Variants in CFAP206 observed in about 807,000 individuals in gnomAD.
The protein encoded by CFAP206 is cilia and flagella associated protein 206.
Under a neutral mutation model 65.4 loss-of-function variants are expected in CFAP206, and 53 were observed. The ratio of observed to expected loss-of-function variants is 0.81; its 90% CI spans 0.65 to 1.02. The LOEUF (loss-of-function observed/expected upper bound fraction) is 1.02. Among genes scored for constraint, CFAP206 ranks in the 50% least tolerant of loss-of-function variants. CFAP206 has a pLI of 0.00. For missense variants in CFAP206, 663 were observed against 753.2 expected (o/e 0.88, Z 1.40); for synonymous variants, 250 against 254.4 (o/e 0.98, Z 0.17).
intron 11 of CFAP206, among the ~76,000 whole-genome samples, chr6:87,459,696 G>A (rs1451198372): frequency 6.6e-6 from 1 of 152,180 alleles, no homozygotes; most frequent in Non-Finnish European, 1.5e-5. Context: ...TACTGTGCAT[G>A]TCTACAGACA....
chr6:87,413,989 T>C, intron 4 of CFAP206, 89 bp downstream of exon 4: 1 of 577,662 alleles, frequency 1.7e-6, no homozygotes, highest in Non-Finnish European at 2.8e-6. Flanking sequence ...ATGAATTTAA[T>C]TGTTTAATCA....
intron 4 of CFAP206, among the ~76,000 whole-genome samples, chr6:87,414,251 C>T (rs1214666105): frequency 6.6e-6 from 1 of 152,120 alleles, no homozygotes; most frequent in African/African-American, 2.4e-5. Flanking sequence ...AATTATGTAA[C>T]TATTCAAAAA....
rs1026714919 is a variant in CFAP206 at position 87,435,024 on chromosome 6, C to G, written c.1465C>G (p.Gln489Glu). ...AATTCAACTATTGGAACTTCATCAACAGTTTGAAACATTTATTCCATATTC... is the reference window on the plus strand; with the variant it reads ...AATTCAACTATTGGAACTTCATCAAGAGTTTGAAACATTTATTCCATATTC... ...ELIQLLELHQ[Q>E]FETFIPYSQM... The change falls in exon 11 of 13, where the codon CAG becomes GAG. Residue 489 changes from glutamine to glutamate, a missense_variant. By Grantham distance (29) the Gln-to-Glu change is conservative (BLOSUM62 2). Transcript: ENST00000369562. 1 of 1,604,846 alleles carries G rather than the reference C, an allele frequency of 6.2e-7. No individual in the cohort carries two copies. The highest frequency in any genetic ancestry group is 1.3e-5 in the African/African-American group (1 of 74,654).
intron 3 of CFAP206, 86 bp downstream of exon 3, chr6:87,410,754 T>C (rs1767721950): frequency 9.4e-7 from 1 of 1,063,582 alleles, no homozygotes; most frequent in Admixed American, 1.9e-5. Flanking sequence ...TGCCTTCAGC[T>C]GCATGAAACA....
chr6:87,426,994 C>G (rs1426653899), intron 8 of CFAP206, among the ~76,000 whole-genome samples: 1 of 152,142 alleles, frequency 6.6e-6, no homozygotes, highest in Non-Finnish European at 1.5e-5. Flanking sequence ...TGTGACCTTT[C>G]TGAAAAGACA....
intron 11 of CFAP206, among the ~76,000 whole-genome samples, chr6:87,450,046 A>G (rs1768512236): frequency 6.6e-6 from 1 of 152,202 alleles, no homozygotes; most frequent in African/African-American, 2.4e-5. Flanking sequence ...GTGGATATCC[A>G]GTTTTCCAAG....
At chr6:87,443,729 G>C (rs1320620332) in intron 11 of CFAP206, among the ~76,000 whole-genome samples, 1 of 152,052 alleles carries the variant, frequency 6.6e-6, no homozygotes, top group Non-Finnish European at 1.5e-5. Context: ...TGTCACCCAG[G>C]TAGTGAGCAT....
At chr6:87,443,933 T>C (rs569749724) in intron 11 of CFAP206, among the ~76,000 whole-genome samples, 1 of 152,314 alleles carries the variant, frequency 6.6e-6, no homozygotes, top group East Asian at 1.9e-4. Context: ...GCTCCATCCA[T>C]GTTTCTGCGG....
chr6:87,449,439 A>C (rs190528265), intron 11 of CFAP206, among the ~76,000 whole-genome samples: 6,760 of 125,464 alleles, frequency 0.054, 37 homozygotes, highest in Non-Finnish European at 0.073. Flanking sequence ...TCCATCTCAA[A>C]AAAAAAAAAA....
At chr6:87,408,371 C>T (rs1326317033) in intron 1 of CFAP206, 1 of 152,442 alleles carries the variant, frequency 6.6e-6, no homozygotes, top group Non-Finnish European at 1.5e-5. Flanking sequence ...CCCCAGAAGC[C>T]GGACCTCGGG....
rs571476043 is a variant in CFAP206, at chr6:87,464,145, T to G, written c.1764T>G (p.Thr588=). 1.2e-6 allele frequency: 2 copies of G among 1,614,196 alleles called. No homozygotes were observed. Among genetic ancestry groups the G allele is most frequent in the South Asian group, 1.1e-5 (1 of 91,088 alleles). Residue 588 remains threonine, a synonymous_variant, in exon 13 of 13, where the codon ACT becomes ACG. Transcript: ENST00000369562. ...CCCAGTCCATGAGGGAAGACAGCAC[T>G]GGGGTGCCCAGGCCTCAGATTTACT... ...TSTQSMREDS[T]GVPRPQIYLA...
chr6:87,408,550 C>A (rs1206805854), intron 1 of CFAP206: 1 of 71,652 alleles, frequency 1.4e-5, no homozygotes, highest in African/African-American at 6.6e-5. Context: ...AGATCCGGAG[C>A]GCGCACACAG....
At chr6:87,429,507 A>T (rs34778775) in intron 9 of CFAP206, among the ~76,000 whole-genome samples, 5,745 of 152,242 alleles carry the variant, frequency 0.038, 135 homozygotes, top group Middle Eastern at 0.078. Flanking sequence ...CTCAGATTCA[A>T]GTTGGGAATT....
At chr6:87,419,128 T>G (rs570443832) in intron 7 of CFAP206, among the ~76,000 whole-genome samples, 7 of 151,668 alleles carry the variant, frequency 4.6e-5, no homozygotes, top group Admixed American at 2.0e-4. Flanking sequence ...TTTGTTTTTT[T>G]TTTTGTTTTT....
At position 87,418,436 on chromosome 6, in the gene CFAP206, C is replaced by T. The variant is rs2127948689; in HGVS notation, c.840+20C>T. 1 of 1,599,704 alleles carries T rather than the reference C, an allele frequency of 6.3e-7. No individual in the cohort carries two copies. The highest frequency in any genetic ancestry group is 1.3e-5 in the African/African-American group (1 of 74,670). ...ATTTTGGTGAGTTAAGTTCATAAGA[C>T]CTGACCTTTTCTATATAATGCAATC... On this transcript the variant is annotated intron_variant, in intron 7 of 12. Coordinates refer to ENST00000369562, the MANE Select transcript of CFAP206 (RefSeq NM_001031743.3).
chr6:87,423,746 G>A (rs1315321427), intron 7 of CFAP206, among the ~76,000 whole-genome samples: 2 of 152,198 alleles, frequency 1.3e-5, no homozygotes, highest in Admixed American at 1.3e-4. Context: ...CTCTATGAGG[G>A]TAGACAAGAG....
chr6:87,430,534 C>T (rs1190431648), intron 9 of CFAP206, among the ~76,000 whole-genome samples: 1 of 152,068 alleles, frequency 6.6e-6, no homozygotes, highest in Non-Finnish European at 1.5e-5. Context: ...AGCAATAGTC[C>T]TAGTTTATAA....
Position 87,410,594 on chromosome 6 carries a change from G to A in CFAP206, c.118G>A (p.Val40Ile). 1 of 1,613,614 alleles carries A rather than the reference G, an allele frequency of 6.2e-7. No homozygotes were observed. The highest frequency in any genetic ancestry group is 8.5e-7 in the Non-Finnish European group (1 of 1,179,608). ...ETLIAFMVKA[V>I]VLDPSNGFNM... Reference sequence around the variant, plus strand: ...TCCTACTTTTTTCTAGGTGAAAGCTGTTGTCCTGGATCCAAGTAATGGCTT... The same window carrying A: ...TCCTACTTTTTTCTAGGTGAAAGCTATTGTCCTGGATCCAAGTAATGGCTT... The change falls in exon 3 of 13, where the codon GTT (valine) becomes ATT (isoleucine). Residue 40 changes from valine (V) to isoleucine (I), a missense_variant. Transcript: ENST00000369562.
intron 7 of CFAP206, among the ~76,000 whole-genome samples, chr6:87,419,121 G>T (rs368498091): frequency 9.1e-5 from 12 of 132,548 alleles, no homozygotes; most frequent in Non-Finnish European, 1.3e-4. Context: ...AAAAACGTTT[G>T]TTTTTTTTTT....
Sources: allele counts gnomAD v4.1 joint callset (sites outside exome capture counted in the v4.1 genomes callset), GRCh38; gene constraint gnomAD v4.1.1; transcripts MANE v1.5; gene names NCBI Gene and HGNC (gene_info 2026-07-23, HGNC 2026-07-21).